Variants in PIK3CD observed in about 807,000 individuals in gnomAD.
PIK3CD encodes the protein phosphatidylinositol-4,5-bisphosphate 3-kinase catalytic subunit delta.
PIK3CD carries 20 observed loss-of-function variants against 122.9 expected under a neutral mutation model. That is an observed-to-expected ratio of 0.16 (90% CI 0.11 to 0.24). PIK3CD has a LOEUF of 0.24. PIK3CD is among the 10% of genes least tolerant of loss of function. PIK3CD has a pLI of 1.00. For synonymous variants in PIK3CD, 596 were observed against 593.4 expected (o/e 1.00, Z -0.06); for missense variants, 787 against 1,406.3 (o/e 0.56, Z 7.04).
At chr1:9,677,366 C>G (rs1645576850) in intron 1 of PIK3CD, among the ~76,000 whole-genome samples, 1 of 152,160 alleles carries the variant, frequency 6.6e-6, no homozygotes, top group Non-Finnish European at 1.5e-5. Context: ...CAGCAGCAGA[C>G]CAGGTGCGGT....
At chr1:9,726,655 C>G (rs1649681184) in intron 23 of PIK3CD, among the ~76,000 whole-genome samples, 1 of 152,190 alleles carries the variant, frequency 6.6e-6, no homozygotes, top group African/African-American at 2.4e-5. Context: ...GCAAAAGCAG[C>G]TGCTCCCATG....
intron 2 of PIK3CD, among the ~76,000 whole-genome samples, chr1:9,697,382 TTTAA>T (rs1391222710): frequency 6.6e-6 from 1 of 151,826 alleles, no homozygotes; most frequent in African/African-American, 2.4e-5. Flanking sequence ...GAGTTTTAGT[TTTAA>T]TTAATTTTAA....
At chr1:9,667,127 G>A (rs1645184502) in intron 1 of PIK3CD, among the ~76,000 whole-genome samples, 1 of 152,158 alleles carries the variant, frequency 6.6e-6, no homozygotes, top group South Asian at 2.1e-4. Context: ...GCCTCCCAAA[G>A]TGCTAGCATT....
rs372297917 is a variant in PIK3CD at position 9,721,340 on chromosome 1, C to T, written c.1811+92C>T. On this transcript the variant is annotated intron_variant, in intron 14 of 23. Transcript: ENST00000377346. ...GCTCTGGGTGGGGCCTGAACCTTCC[C>T]GTGGGCTTGCTCCCTCCTGCCTGGC... 775 of 1,609,040 alleles carry T rather than the reference C, an allele frequency of 4.8e-4. 1 individual carries two copies. In the East Asian group the frequency reaches 5.9e-3, roughly 12 times the overall value.
rs1647247646 is a variant in PIK3CD, at chr1:9,715,288, G to A, written c.142-253G>A. Among the ~76,000 whole-genome samples the A allele has an allele frequency of 6.6e-6, 1 of 152,338 alleles. No individual in the cohort carries two copies. Among genetic ancestry groups the A allele is most frequent in the South Asian group, 2.1e-4 (1 of 4,830 alleles). ...GGTGGTCCTGCACTCTGGGAGGGGA[G>A]CCTGTAGGACGTGGTGCCAGCCCCA... On this transcript the variant is annotated intron_variant, in intron 3 of 23. Transcript: ENST00000377346. This position sits in a 1 kb window ranked among gnomAD's most constrained non-coding sequence, Gnocchi z 4.1.
At chr1:9,661,762 C>T (rs776655243) in intron 1 of PIK3CD, among the ~76,000 whole-genome samples, 3 of 152,066 alleles carry the variant, frequency 2.0e-5, no homozygotes, top group Non-Finnish European at 2.9e-5. Context: ...TTTGGGAGGC[C>T]GAGGCGGACG....
Position 9,724,766 on chromosome 1 carries a change from G to C in PIK3CD, c.2865-38G>C, listed in dbSNP as rs775192940. 6.2e-7 allele frequency: 1 copy of C among 1,611,566 alleles called. No homozygotes were observed. ...GCGGCCCTCTGGCCTGTGGCTGGGA[G>C]TTCCCAGAGCCTCACTTCCTCTGTC... On this transcript the variant is annotated intron_variant, in intron 22 of 23. Transcript: ENST00000377346. The surrounding 1 kb of genome is among the most constrained non-coding windows in gnomAD (Gnocchi z 7.3).
chr1:9,722,432 G>A lies in PIK3CD; in HGVS notation c.2347+76G>A. 4 of 1,544,926 alleles carry A rather than the reference G, an allele frequency of 2.6e-6. No homozygotes were observed. Among genetic ancestry groups the A allele is most frequent in the African/African-American group, 1.4e-5 (1 of 73,596 alleles). On this transcript the variant is annotated intron_variant, in intron 18 of 23. Transcript: ENST00000377346. The surrounding 1 kb of genome is among the most constrained non-coding windows in gnomAD (Gnocchi z 7.6). ...GGGGTGCTCCTAGAGTGGGGGTGGAGAAGACAGAATCCTGGGACTTAAGGG... is the reference window on the plus strand; with the variant it reads ...GGGGTGCTCCTAGAGTGGGGGTGGAAAAGACAGAATCCTGGGACTTAAGGG...
Position 9,720,388 on chromosome 1 carries a change from C to A in PIK3CD, c.1470+146C>A. The A allele has an allele frequency of 7.3e-7, 1 of 1,370,924 alleles. No individual in the cohort carries two copies. Among genetic ancestry groups the A allele is most frequent in the Non-Finnish European group, 9.8e-7 (1 of 1,017,578 alleles). 84.9% of individuals were successfully genotyped at this position (1,370,924 alleles called of 1,614,324 possible). On this transcript the variant is annotated intron_variant, in intron 11 of 23. Transcript: ENST00000377346. The surrounding 1 kb of genome is among the most constrained non-coding windows in gnomAD (Gnocchi z 9.0). ...TGGGGCCTTCCCAGGGGCCATTTTG[C>A]CTGCAGGGATGCTGCGCAGTCTGAT...
At chr1:9,635,644 G>T in the PIK3CD span, among the ~76,000 whole-genome samples, 2 of 152,258 alleles carry the variant, frequency 1.3e-5, no homozygotes, top group South Asian at 2.1e-4. Flanking sequence ...ACTGGAGACT[G>T]CTGGTGTAGC....
intron 1 of PIK3CD, among the ~76,000 whole-genome samples, chr1:9,667,690 C>A (rs956558602): frequency 2.6e-5 from 4 of 151,322 alleles, no homozygotes; most frequent in African/African-American, 9.7e-5. Context: ...TAATGTTTTG[C>A]TAATAGGCTC....
chr1:9,661,914 T>C lies in PIK3CD; in HGVS notation c.-138+10112T>C, dbSNP rs1451266670. Among the ~76,000 whole-genome samples the C allele has an allele frequency of 2.0e-5, 3 of 152,050 alleles. No homozygotes were observed. The East Asian group carries it at 5.8e-4, about 29-fold the overall frequency. On this transcript the variant is annotated intron_variant, in intron 1 of 23. Coordinates refer to ENST00000377346, the MANE Select transcript of PIK3CD (RefSeq NM_005026.5). Reference sequence around the variant, plus strand: ...GGGAGGCTGAGGCAGGACAATGGTGTGGACCCAGGCGGCGGAGCTTGCAGT... The same window carrying C: ...GGGAGGCTGAGGCAGGACAATGGTGCGGACCCAGGCGGCGGAGCTTGCAGT...
At chr1:9,651,893 G>A (rs1644681958) in intron 1 of PIK3CD, 91 bp downstream of exon 1, 1 of 152,268 alleles carries the variant, frequency 6.6e-6, no homozygotes, top group Non-Finnish European at 1.5e-5. Flanking sequence ...GGGGGCGCGG[G>A]GCTGGCTGGC....
the PIK3CD span, among the ~76,000 whole-genome samples, chr1:9,646,421 C>A: frequency 6.6e-6 from 1 of 152,172 alleles, no homozygotes; most frequent in Non-Finnish European, 1.5e-5. Flanking sequence ...TGACCCGAAG[C>A]AGTGGCTCAG....
At chr1:9,661,840 C>CA (rs558303493) in intron 1 of PIK3CD, among the ~76,000 whole-genome samples, 169 of 152,130 alleles carry the variant, frequency 1.1e-3, no homozygotes, top group Non-Finnish European at 2.0e-3. Context: ...ATTAAAAATA[C>CA]AAAAAATTAG....
intron 2 of PIK3CD, 120 bp downstream of exon 2, chr1:9,691,691 C>T: frequency 2.5e-6 from 1 of 393,314 alleles, no homozygotes; most frequent in Non-Finnish European, 4.5e-6. Flanking sequence ...GAAGACTTCT[C>T]TGTAGGACTA....
chr1:9,703,462 A>C (rs943815578), intron 2 of PIK3CD, among the ~76,000 whole-genome samples: 2 of 152,108 alleles, frequency 1.3e-5, no homozygotes, highest in Admixed American at 6.6e-5. Context: ...AAACCAACAA[A>C]AACGTAAAGT....
intron 1 of PIK3CD, among the ~76,000 whole-genome samples, chr1:9,669,833 CA>C (rs937569543): frequency 6.6e-6 from 1 of 152,080 alleles, no homozygotes; most frequent in Non-Finnish European, 1.5e-5. Context: ...GGAGGAAAAA[CA>C]AAAACCTCAA....
chr1:9,656,836 G>A (rs563820859), intron 1 of PIK3CD, among the ~76,000 whole-genome samples: 27 of 151,896 alleles, frequency 1.8e-4, no homozygotes, highest in Non-Finnish European at 2.9e-4. Flanking sequence ...CCAGCTATTC[G>A]GGAGGCTGAG....
Sources: gnomAD v4.1 joint callset for allele counts (sites outside exome capture counted in the v4.1 genomes callset) on GRCh38, gnomAD v4.1.1 for gene constraint, Gnocchi (gnomAD v3.1) non-coding constraint, MANE v1.5 for transcripts, NCBI Gene and HGNC (gene_info 2026-07-23, HGNC 2026-07-21) for gene names.